MYOM2: variants seen among roughly 807,000 people sequenced by gnomAD.
The protein encoded by MYOM2 is myomesin-2.
MYOM2 carries 254 observed loss-of-function variants against 187.6 expected under a neutral mutation model. That is an observed-to-expected ratio of 1.35 (90% CI 1.22 to 1.50). MYOM2 has a LOEUF of 1.50. Ranked by LOEUF, MYOM2 falls within the 40% of genes most tolerant of loss-of-function variation. The probability of loss-of-function intolerance (pLI) is 0.00; values close to 1 mark genes in which losing one functional copy is unlikely to be tolerated. For missense variants in MYOM2, 2,796 were observed against 1,924.0 expected, an observed-to-expected ratio of 1.45 and a Z score of -8.48; for synonymous variants, 981 against 753.8, an observed-to-expected ratio of 1.30 and a Z score of -4.94.
chr8:2,081,800 G>A (rs1348483503), intron 13 of MYOM2: 1 of 152,254 alleles, frequency 6.6e-6, no homozygotes, highest in African/African-American at 2.4e-5. Flanking sequence ...GTGTCCTGAG[G>A]CTTGGTTTGC....
intron 18 of MYOM2, 140 bp downstream of exon 18, chr8:2,096,574 A>T: frequency 1.2e-6 from 1 of 849,576 alleles, no homozygotes; most frequent in Non-Finnish European, 1.8e-6. Flanking sequence ...GAGATCATGA[A>T]GTTTTGGAGC....
chr8:2,143,291 C>T (rs1348885346), intron 35 of MYOM2, 110 bp from the exon 36 acceptor site: 2 of 1,230,620 alleles, frequency 1.6e-6, no homozygotes, highest in African/African-American at 3.0e-5. Context: ...CTCTCCTGAG[C>T]ATAAACTCCT....
intron 13 of MYOM2, among the ~76,000 whole-genome samples, chr8:2,082,791 C>T (rs750804169): frequency 2.0e-5 from 3 of 152,182 alleles, no homozygotes; most frequent in Non-Finnish European, 2.9e-5. Flanking sequence ...CATTTGCAGC[C>T]CACATGCTCA....
intron 17 of MYOM2, among the ~76,000 whole-genome samples, chr8:2,095,810 C>T (rs1796462237): frequency 6.6e-6 from 1 of 152,136 alleles, no homozygotes; most frequent in Non-Finnish European, 1.5e-5. Context: ...TCTAACTGTG[C>T]AGGAAATTAA....
At chr8:2,051,017 A>G (rs2129327002) in intron 2 of MYOM2, 144 bp downstream of exon 2, 1 of 643,892 alleles carries the variant, frequency 1.6e-6, no homozygotes, top group South Asian at 1.9e-5. Flanking sequence ...TCCCGTGCCC[A>G]GGTCCTGCCA....
chr8:2,065,825 T>C (rs1819000992), intron 6 of MYOM2, among the ~76,000 whole-genome samples: 1 of 152,180 alleles, frequency 6.6e-6, no homozygotes, highest in South Asian at 2.1e-4. Context: ...GTAAGGTTCA[T>C]GTTGGGCTTC....
chr8:2,128,981 G>C (rs1417061962), intron 31 of MYOM2, 146 bp from the exon 32 acceptor site: 1 of 573,112 alleles, frequency 1.7e-6, no homozygotes, highest in Non-Finnish European at 3.2e-6. Context: ...TAAAGTATAA[G>C]AATTTGTGGC....
chr8:2,102,555 C>A, intron 20 of MYOM2, 112 bp from the exon 21 acceptor site: 1 of 627,504 alleles, frequency 1.6e-6, no homozygotes, highest in Non-Finnish European at 2.8e-6. Context: ...ATTTTCCTAA[C>A]TGGAAAAATA....
chr8:2,105,394 G>C (rs750051406), intron 21 of MYOM2, among the ~76,000 whole-genome samples: 5 of 152,198 alleles, frequency 3.3e-5, no homozygotes, highest in Non-Finnish European at 7.3e-5. Flanking sequence ...CTACGACATA[G>C]ATTCTGCCTT....
chr8:2,123,396 A>G, intron 29 of MYOM2, 31 bp downstream of exon 29: 1 of 1,547,044 alleles, frequency 6.5e-7, no homozygotes, highest in Non-Finnish European at 8.9e-7. Context: ...CAAGAAAGCA[A>G]AACAAAAACG....
At chr8:2,130,190 C>T (rs1328503152) in intron 32 of MYOM2, among the ~76,000 whole-genome samples, 1 of 139,326 alleles carries the variant, frequency 7.2e-6, no homozygotes, top group Non-Finnish European at 1.5e-5. Flanking sequence ...ACCCAGGGCG[C>T]CCACACCCCG....
At chr8:2,142,240 C>A in intron 34 of MYOM2, 135 bp from the exon 35 acceptor site, 1 of 902,666 alleles carries the variant, frequency 1.1e-6, no homozygotes, top group Non-Finnish European at 1.8e-6. Context: ...CGAACATGTT[C>A]TTCTAAGAGA....
In MYOM2 at chr8:2,100,991, G is replaced by T. The variant is rs1189195518; in HGVS notation, c.2556G>T (p.Arg852Ser). ...TTTCTGGATATTTCGTGGACTTCAG[G>T]GAGGAGGATGCTGGAGAGTGGATCA... The part of the protein sequence containing the change: ...SPVSGYFVDF[R>S]EEDAGEWITV... The change falls in exon 20 of 37, where the codon AGG (arginine) becomes AGT (serine). Residue 852 changes from arginine to serine, a missense_variant. Physicochemically the swap from Arg to Ser is moderately radical, Grantham distance 110. Transcript: ENST00000262113. 1 of 1,614,192 alleles carries T rather than the reference G, an allele frequency of 6.2e-7. No individual in the cohort carries two copies. Among genetic ancestry groups the T allele is most frequent in the South Asian group, 1.1e-5 (1 of 91,080 alleles).
chr8:2,132,017 A>T (rs949027944), intron 32 of MYOM2, among the ~76,000 whole-genome samples: 1 of 152,194 alleles, frequency 6.6e-6, no homozygotes, highest in Admixed American at 6.5e-5. Flanking sequence ...ATTAAACAAC[A>T]TGAAACTATA....
intron 8 of MYOM2, among the ~76,000 whole-genome samples, chr8:2,070,366 C>A (rs1056772933): frequency 5.3e-5 from 8 of 152,182 alleles, no homozygotes; most frequent in Non-Finnish European, 1.0e-4. Flanking sequence ...AGCTGCTGGC[C>A]GCTGTGGGCG....
chr8:2,132,768 A>G lies in MYOM2; in HGVS notation c.3800+3536A>G, dbSNP rs1797920597. ...AAGAAGTGCATGCTTCAAACTCCAA[A>G]TGTGTATTTTAATTCATTTCAGGAG... On this transcript the variant is annotated intron_variant, in intron 32 of 36. Coordinates refer to ENST00000262113, the MANE Select transcript of MYOM2 (RefSeq NM_003970.4). Among the ~76,000 whole-genome samples, 4 of 152,114 alleles carry G rather than the reference A, an allele frequency of 2.6e-5. No homozygotes were observed. The South Asian group carries it at 8.3e-4, about 32-fold the overall frequency.
At chr8:2,061,564 C>A (rs992322820) in intron 6 of MYOM2, among the ~76,000 whole-genome samples, 2 of 152,126 alleles carry the variant, frequency 1.3e-5, no homozygotes, top group Non-Finnish European at 2.9e-5. Context: ...GGCTTCTGCC[C>A]GGTGGTGCCC....
At position 2,142,367 on chromosome 8, in the gene MYOM2, A is replaced by T. The variant is rs1563086491; in HGVS notation, c.4002-8A>T. 1 of 1,613,356 alleles carries T rather than the reference A, an allele frequency of 6.2e-7. No individual in the cohort carries two copies. Among genetic ancestry groups the T allele is most frequent in the Non-Finnish European group, 8.5e-7 (1 of 1,179,304 alleles). Reference sequence around the variant, plus strand: ...CATTCTCTCCTTTCTGTCCCCTTTAACTTTTAGAGCTGCTGCTTTTGCAGA... The same window carrying T: ...CATTCTCTCCTTTCTGTCCCCTTTATCTTTTAGAGCTGCTGCTTTTGCAGA... On this transcript the variant is annotated splice_region_variant and splice_polypyrimidine_tract_variant and intron_variant, in intron 34 of 36. Coordinates refer to ENST00000262113, the MANE Select transcript of MYOM2 (RefSeq NM_003970.4).
intron 11 of MYOM2, among the ~76,000 whole-genome samples, chr8:2,077,487 T>G (rs1819471769): frequency 6.6e-6 from 1 of 152,208 alleles, no homozygotes; most frequent in Non-Finnish European, 1.5e-5. Flanking sequence ...GATTAAATTC[T>G]CTTTTCTCTT....
Sources: allele counts gnomAD v4.1 joint callset (sites outside exome capture counted in the v4.1 genomes callset), GRCh38; gene constraint gnomAD v4.1.1; transcripts MANE v1.5; gene names NCBI Gene and HGNC (gene_info 2026-07-23, HGNC 2026-07-21).